GEM: variants seen among roughly 807,000 people sequenced by gnomAD.
The protein encoded by GEM is GTP-binding protein GEM.
GEM carries 31 observed loss-of-function variants against 33.0 expected under a neutral mutation model. The observed-to-expected ratio is 0.94, with a 90% CI of 0.71 to 1.27. The LOEUF (loss-of-function observed/expected upper bound fraction) is 1.27, where lower values mean the gene tolerates loss of function less well. GEM is among the 50% of genes most tolerant of loss of function. The pLI, the probability that GEM is intolerant of heterozygous loss-of-function variation, is 0.00. For missense variants in GEM, 354 were observed against 390.5 expected (o/e 0.91, Z 0.79); for synonymous variants, 141 against 143.7 (o/e 0.98, Z 0.13).
chr8:94,253,450 TC>T (rs934539049), intron 2 of GEM, among the ~76,000 whole-genome samples: 1 of 152,200 alleles, frequency 6.6e-6, no homozygotes, highest in African/African-American at 2.4e-5. Flanking sequence ...TGACTCAGAT[TC>T]AATGGTTAAT....
intron 2 of GEM, among the ~76,000 whole-genome samples, chr8:94,255,287 A>C (rs2129763045): frequency 6.6e-6 from 1 of 152,338 alleles, no homozygotes; most frequent in East Asian, 1.9e-4. Flanking sequence ...AAGTGGACTA[A>C]GGATCACAGC....
At chr8:94,255,727 T>C (rs1177327063) in intron 2 of GEM, among the ~76,000 whole-genome samples, 1 of 152,226 alleles carries the variant, frequency 6.6e-6, no homozygotes, top group Admixed American at 6.5e-5. Context: ...AAGGTTTGGA[T>C]ACTGATTAGT....
At chr8:94,258,545 G>T (rs1227178905) in intron 2 of GEM, among the ~76,000 whole-genome samples, 1 of 152,140 alleles carries the variant, frequency 6.6e-6, no homozygotes, top group African/African-American at 2.4e-5. Flanking sequence ...AGGGGGCTAT[G>T]AAAAGACACA....
intron 2 of GEM, among the ~76,000 whole-genome samples, chr8:94,258,417 G>A (rs1350395939): frequency 6.6e-6 from 1 of 151,982 alleles, no homozygotes; most frequent in Non-Finnish European, 1.5e-5. Flanking sequence ...CATTACTAGG[G>A]GGCATGGTAT....
chr8:94,257,622 A>T (rs778645224), intron 2 of GEM, among the ~76,000 whole-genome samples: 1 of 152,196 alleles, frequency 6.6e-6, no homozygotes, highest in African/African-American at 2.4e-5. Flanking sequence ...GCTCCATTGC[A>T]TACTGTGAGC....
At chr8:94,254,608 C>T (rs1044646987) in intron 2 of GEM, among the ~76,000 whole-genome samples, 3 of 152,206 alleles carry the variant, frequency 2.0e-5, no homozygotes, top group Non-Finnish European at 2.9e-5. Flanking sequence ...CTCAGCACTT[C>T]CTCACTACAG....
chr8:94,251,904 G>T (rs1388386497), intron 4 of GEM, 115 bp downstream of exon 4: 1 of 760,990 alleles, frequency 1.3e-6, no homozygotes. Flanking sequence ...ATTTCATATA[G>T]CATCTTAATG....
At position 94,250,527 on chromosome 8, in the gene GEM, TGGACAGCTGCAGA is replaced by T; in HGVS notation, c.661_673del (p.Ala222ThrfsTer3). 6.2e-7 allele frequency: 1 copy of T among 1,613,942 alleles called. No individual in the cohort carries two copies. Among genetic ancestry groups the T allele is most frequent in the South Asian group, 1.1e-5 (1 of 91,074 alleles). ...CTCAAACAGCTCCTTCACGTTGTGC[TGGACAGCTGCAGA>T]GGTCTCGATGAACTTGCAGTCAAAC... On this transcript the variant is annotated frameshift_variant, in exon 5 of 5. Transcript: ENST00000297596. LOFTEE classifies it high-confidence loss of function.
intron 4 of GEM, 53 bp from the exon 5 acceptor site, chr8:94,250,640 C>T (rs1586058782): frequency 1.4e-6 from 2 of 1,458,776 alleles, no homozygotes; most frequent in East Asian, 2.3e-5. Flanking sequence ...TCCCACATAG[C>T]ACACAGTCAA....
At chr8:94,250,795 T>G (rs1808754374) in intron 4 of GEM, among the ~76,000 whole-genome samples, 1 of 152,252 alleles carries the variant, frequency 6.6e-6, no homozygotes, top group Middle Eastern at 3.2e-3. Context: ...GCTTTAGATC[T>G]GATCCCCCAT....
intron 2 of GEM, among the ~76,000 whole-genome samples, chr8:94,258,349 T>C (rs1363166078): frequency 1.3e-5 from 2 of 152,198 alleles, no homozygotes; most frequent in African/African-American, 4.8e-5. Context: ...GTATCGTTAC[T>C]GCTTAAAATA....
At chr8:94,257,035 G>A (rs905777448) in intron 2 of GEM, among the ~76,000 whole-genome samples, 5 of 152,140 alleles carry the variant, frequency 3.3e-5, no homozygotes, top group East Asian at 1.9e-4. Flanking sequence ...TGAGACTTCC[G>A]TACTTTGCTA....
rs1808779392 is a variant in GEM at position 94,252,015 on chromosome 8, T to C, written c.613+4A>G. 6.2e-7 allele frequency: 1 copy of C among 1,607,708 alleles called. No homozygotes were observed. The highest frequency in any genetic ancestry group is 2.2e-5 in the East Asian group (1 of 44,850). On this transcript the variant is annotated splice_donor_region_variant and intron_variant, in intron 4 of 4. Transcript: ENST00000297596. ...TTCTACAGTATTGGCTCTGCTCCTC[T>C]TACCTGATACAGACACTTCTCGGCA...
At chr8:94,251,306 G>T (rs1340637796) in intron 4 of GEM, among the ~76,000 whole-genome samples, 1 of 152,080 alleles carries the variant, frequency 6.6e-6, no homozygotes, top group Non-Finnish European at 1.5e-5. Context: ...TCAAGTTTTG[G>T]TTTGGAAAAA....
At position 94,249,506 on chromosome 8, in the gene GEM, T is replaced by C. The variant is rs1227111515; in HGVS notation, c.*804A>G. The C allele has an allele frequency of 3.9e-5, 6 of 152,354 alleles. No individual in the cohort carries two copies. Among genetic ancestry groups the C allele is most frequent in the Admixed American group, 6.5e-5 (1 of 15,310 alleles). 9.4% of individuals were successfully genotyped at this position (152,354 alleles called of 1,614,324 possible). ...GTTTTATAAAAATTCAGACTTCTGA[T>C]TATACATTAAAAATTGACATTTTGC... On this transcript the variant is annotated 3_prime_UTR_variant, in exon 5 of 5. Coordinates refer to ENST00000297596, the MANE Select transcript of GEM (RefSeq NM_005261.4).
chr8:94,257,657 C>T (rs1238279523), intron 2 of GEM, among the ~76,000 whole-genome samples: 2 of 152,184 alleles, frequency 1.3e-5, no homozygotes, highest in Admixed American at 1.3e-4. Context: ...AGCCCCATGA[C>T]TCTTTGCATG....
At chr8:94,261,864 C>T (rs1263480156) in intron 1 of GEM, among the ~76,000 whole-genome samples, 1 of 152,176 alleles carries the variant, frequency 6.6e-6, no homozygotes, top group East Asian at 1.9e-4. Flanking sequence ...ACACTCCGTA[C>T]CCCAACATCT....
intron 2 of GEM, among the ~76,000 whole-genome samples, chr8:94,254,985 C>A (rs190998727): frequency 1.6e-3 from 244 of 152,312 alleles, no homozygotes; most frequent in African/African-American, 5.2e-3. Flanking sequence ...CAACCTCAAC[C>A]TGTAAATTAG....
intron 2 of GEM, among the ~76,000 whole-genome samples, chr8:94,255,060 C>T (rs1808858951): frequency 6.6e-6 from 1 of 152,102 alleles, no homozygotes; most frequent in Non-Finnish European, 1.5e-5. Flanking sequence ...CTGCTGCTTC[C>T]CACCACAGGG....
Sources: gnomAD v4.1 joint callset for allele counts (sites outside exome capture counted in the v4.1 genomes callset) on GRCh38, gnomAD v4.1.1 for gene constraint, MANE v1.5 for transcripts, NCBI Gene and HGNC (gene_info 2026-07-23, HGNC 2026-07-21) for gene names.